RAB37: variants seen among roughly 807,000 people sequenced by gnomAD.
The protein encoded by RAB37 is ras-related protein Rab-37.
A neutral mutation model predicts 33.1 loss-of-function variants in RAB37; 29 were observed. That is an observed-to-expected ratio of 0.88 (90% CI 0.65 to 1.20). RAB37 has a LOEUF of 1.20. Ranked by LOEUF, RAB37 falls within the 50% of genes most tolerant of loss-of-function variation. RAB37 has a pLI of 0.00. For synonymous variants in RAB37, 128 were observed against 119.5 expected, an observed-to-expected ratio of 1.07 and a Z score of -0.47; for missense variants, 299 against 301.1, an observed-to-expected ratio of 0.99 and a Z score of 0.05.
chr17:74,743,261 T>C, intron 4 of RAB37, 27 bp from the exon 5 acceptor site: 1 of 1,614,066 alleles, frequency 6.2e-7, no homozygotes, highest in East Asian at 2.2e-5. Flanking sequence ...GCTGCCTAAG[T>C]CCCCTCTGTG....
chr17:74,717,114 A>G (rs1260182012), intron 1 of RAB37, among the ~76,000 whole-genome samples: 9 of 152,212 alleles, frequency 5.9e-5, no homozygotes. Flanking sequence ...CAGCCTGGGC[A>G]ACGAGAGCGA....
At chr17:74,737,405 C>T (rs748259861) in intron 1 of RAB37, 40 bp downstream of exon 1, 26 of 1,518,352 alleles carry the variant, frequency 1.7e-5, no homozygotes, top group Non-Finnish European at 1.9e-5. Flanking sequence ...CCCTCCTCGG[C>T]GCTAGCCCCT....
In RAB37 at chr17:74,709,257, A is replaced by C. The variant is rs115713787; in HGVS notation, c.73-19999A>C. The stretch of plus-strand genomic sequence containing the variant: ...GGAAAAAAGAAAATCAATAAGGGTA[A>C]TATGCCATATTAACAGAGTCAAGGA... On this transcript the variant is annotated intron_variant, in intron 1 of 7. Coordinates refer to the RAB37 transcript ENST00000340415. Among the ~76,000 whole-genome samples the C allele has an allele frequency of 7.0e-3, 1,068 of 152,178 alleles. 12 individuals carry two copies. The highest frequency in any genetic ancestry group is 0.025 in the African/African-American group (1,020 of 41,516).
rs1393350626 is a variant in RAB37 at position 74,676,780 on chromosome 17, G to T, written c.72+5122G>T. 6.6e-6 allele frequency among the ~76,000 whole-genome samples: 1 copy of T among 152,202 alleles called. No homozygotes were observed. The highest frequency in any genetic ancestry group is 6.5e-5 in the Admixed American group (1 of 15,278). ...TGTCCTAAGAAAGATACGGGTAGCT[G>T]CAAGGGAGTGACCCAGGAAGAAAAG... On this transcript the variant is annotated intron_variant, in intron 1 of 7. Coordinates refer to the RAB37 transcript ENST00000340415. This position sits in a 1 kb window ranked among gnomAD's most constrained non-coding sequence, Gnocchi z 4.1.
At chr17:74,704,642 T>G in intron 1 of RAB37, 2 of 1,614,194 alleles carry the variant, frequency 1.2e-6, no homozygotes, top group Non-Finnish European at 1.7e-6. Context: ...CTTCACCTCC[T>G]GCTCTGACCC....
At position 74,742,410 on chromosome 17, in the gene RAB37, G is replaced by C; in HGVS notation, c.246+115G>C. ...TCCGCCTGGGGCAATTTCCTGTGGG[G>C]CCCACGGGAGGAAATGGCTTTTGTT... is the stretch of plus-strand genomic sequence containing the variant. On this transcript the variant is annotated intron_variant, in intron 3 of 8. Transcript: ENST00000392613. The surrounding 1 kb of genome is among the most constrained non-coding windows in gnomAD (Gnocchi z 4.0). 2 of 755,942 alleles carry C rather than the reference G, an allele frequency of 2.6e-6. No individual in the cohort carries two copies. Among genetic ancestry groups the C allele is most frequent in the Non-Finnish European group, 4.4e-6 (2 of 458,532 alleles). The allele number at this position is 755,942 out of a possible 1,614,324, so 46.8% of individuals were successfully genotyped here.
rs538985940 is a variant in RAB37, at chr17:74,685,254, G to A, written c.72+13596G>A. Among the ~76,000 whole-genome samples, 10 of 152,154 alleles carry A rather than the reference G, an allele frequency of 6.6e-5. No homozygotes were observed. In the East Asian group the frequency reaches 1.4e-3, roughly 21 times the overall value. ...GGCTAGAGTGCAGTGGCGCGATCTC[G>A]GCTCACTGCAACCTCTGCCTTCTGG... On this transcript the variant is annotated intron_variant, in intron 1 of 7. Coordinates refer to the RAB37 transcript ENST00000340415.
chr17:74,684,542 C>T (rs1305891744), intron 1 of RAB37, among the ~76,000 whole-genome samples: 2 of 152,144 alleles, frequency 1.3e-5, no homozygotes, highest in Non-Finnish European at 2.9e-5. Flanking sequence ...AATCCCAGCA[C>T]TTTCGGAGGC....
intron 1 of RAB37, among the ~76,000 whole-genome samples, chr17:74,719,979 C>T (rs930954449): frequency 2.0e-5 from 3 of 152,156 alleles, no homozygotes; most frequent in African/African-American, 7.2e-5. Context: ...AGCAGATAAA[C>T]CTAAGTAACA....
chr17:74,696,116 G>A (rs995990232), intron 1 of RAB37: 5 of 1,519,686 alleles, frequency 3.3e-6, no homozygotes, highest in African/African-American at 1.4e-5. Context: ...TGATATTTTG[G>A]ACCTTCTGAG....
intron 1 of RAB37, among the ~76,000 whole-genome samples, chr17:74,700,046 G>A (rs1324297684): frequency 6.6e-6 from 1 of 152,092 alleles, no homozygotes; most frequent in African/African-American, 2.4e-5. Context: ...GGAAGCTGAG[G>A]TGGGAGAATT....
chr17:74,696,204 G>A (rs745351189), intron 1 of RAB37: 1 of 1,606,970 alleles, frequency 6.2e-7, no homozygotes, highest in Non-Finnish European at 8.5e-7. Context: ...CCTGCTCTGG[G>A]GACATCCCGG....
At chr17:74,710,936 C>T (rs757155630) in intron 1 of RAB37, among the ~76,000 whole-genome samples, 5 of 151,456 alleles carry the variant, frequency 3.3e-5, no homozygotes, top group Non-Finnish European at 1.5e-5. Flanking sequence ...GCAACTCAGA[C>T]GGCCAAGGCA....
intron 1 of RAB37, chr17:74,677,245 T>C (rs2031854030): frequency 2.0e-5 from 3 of 152,208 alleles, no homozygotes; most frequent in Admixed American, 6.5e-5. Context: ...CCCATGGGAC[T>C]GTCACCTATT....
Position 74,745,380 on chromosome 17 carries a change from A to G in RAB37, c.641A>G (p.Lys214Arg). 3 of 1,614,158 alleles carry G rather than the reference A, an allele frequency of 1.9e-6. No homozygotes were observed. Among genetic ancestry groups the G allele is most frequent in the Non-Finnish European group, 1.7e-6 (2 of 1,180,020 alleles). ...ATCCGAGACTATGTAGAGTCCCAGA[A>G]GAAGCGCTCCAGCTGCTGCTCCTTC... ...FQIRDYVESQ[K>R]KRSSCCSFM The change falls in exon 9 of 9, where the codon AAG becomes AGG. Residue 214 changes from lysine (K) to arginine (R), a missense_variant. Transcript: ENST00000392613. This position sits in a 1 kb window ranked among gnomAD's most constrained non-coding sequence, Gnocchi z 4.5.
chr17:74,698,683 C>T, intron 1 of RAB37: 1 of 1,318,572 alleles, frequency 7.6e-7, no homozygotes, highest in Non-Finnish European at 1.0e-6. Flanking sequence ...GGGAATGGAA[C>T]AAGAGACACC....
At position 74,698,480 on chromosome 17, in the gene RAB37, G is replaced by A. The variant is rs755815208; in HGVS notation, c.72+26822G>A. ...AGGACACTGAGCTTCAGGAGCTTGTGCCTAGAAACAATGGCAAGCGTCCCC... is the reference window on the plus strand; with the variant it reads ...AGGACACTGAGCTTCAGGAGCTTGTACCTAGAAACAATGGCAAGCGTCCCC... On this transcript the variant is annotated intron_variant, in intron 1 of 7. Coordinates refer to the RAB37 transcript ENST00000340415. 1 of 1,613,042 alleles carries A rather than the reference G, an allele frequency of 6.2e-7. No homozygotes were observed. Among genetic ancestry groups the A allele is most frequent in the Non-Finnish European group, 8.5e-7 (1 of 1,179,488 alleles).
chr17:74,704,424 G>GACC, intron 1 of RAB37: 1 of 1,280,750 alleles, frequency 7.8e-7, no homozygotes, highest in East Asian at 2.3e-5. Flanking sequence ...GGACCTCAGA[G>GACC]ACCAGGACAG....
intron 1 of RAB37, among the ~76,000 whole-genome samples, chr17:74,709,522 A>G (rs958794362): frequency 3.3e-5 from 5 of 152,146 alleles, no homozygotes; most frequent in Non-Finnish European, 5.9e-5. Flanking sequence ...ATTTTCCACA[A>G]TTAAAAAGAC....
Sources: allele counts gnomAD v4.1 joint callset (sites outside exome capture counted in the v4.1 genomes callset), GRCh38; gene constraint gnomAD v4.1.1; non-coding constraint Gnocchi (gnomAD v3.1); transcripts MANE v1.5; gene names NCBI Gene and HGNC (gene_info 2026-07-23, HGNC 2026-07-21).